Variants in ACSF3 observed in about 807,000 individuals in gnomAD.
ACSF3 encodes malonate--CoA ligase ACSF3, mitochondrial.
Under a neutral mutation model 53.2 loss-of-function variants are expected in ACSF3, and 78 were observed. That is an observed-to-expected ratio of 1.47 (90% CI 1.22 to 1.77). ACSF3 has a LOEUF of 1.77. Ranked by LOEUF, ACSF3 falls within the 40% of genes most tolerant of loss-of-function variation. The probability of loss-of-function intolerance (pLI) is 0.00; values close to 1 mark genes in which losing one functional copy is unlikely to be tolerated. For missense variants in ACSF3, 937 were observed against 771.1 expected (o/e 1.22, Z -2.55); for synonymous variants, 414 against 333.1 (o/e 1.24, Z -2.65).
rs529982382 is a variant in ACSF3, at chr16:89,125,583, C to T, written c.1239+4670C>T. ...GCACACGCCTGTAATCCCAGCTACT[C>T]GGGAGGCTGAGTCACAAGAATTGTT... On this transcript the variant is annotated intron_variant, in intron 7 of 10. Coordinates refer to ENST00000614302, the MANE Select transcript of ACSF3 (RefSeq NM_001243279.3). Among the ~76,000 whole-genome samples, 182 of 150,598 alleles carry T rather than the reference C, an allele frequency of 1.2e-3. 1 individual carries two copies. The highest frequency in any genetic ancestry group is 4.1e-3 in the African/African-American group (168 of 40,984).
intron 10 of ACSF3, chr16:89,151,593 C>G (rs1597273769): frequency 5.0e-6 from 1 of 200,364 alleles, no homozygotes; most frequent in East Asian, 1.5e-4. Context: ...AAAAATCAGT[C>G]TGTGTAATTC....
At chr16:89,114,290 G>A (rs377401272) in intron 5 of ACSF3, 49 bp from the exon 6 acceptor site, 38 of 1,610,536 alleles carry the variant, frequency 2.4e-5, no homozygotes, top group South Asian at 1.3e-4. Flanking sequence ...CTTTGCACGC[G>A]AGAGCCACGT....
intron 6 of ACSF3, among the ~76,000 whole-genome samples, chr16:89,118,940 C>G (rs1280522729): frequency 2.0e-5 from 3 of 152,230 alleles, no homozygotes; most frequent in Non-Finnish European, 2.9e-5. Flanking sequence ...CTCTTGAGCT[C>G]TCATGTCCAC....
intron 9 of ACSF3, 55 bp downstream of exon 9, chr16:89,145,456 T>C (rs1443733479): frequency 1.2e-6 from 2 of 1,605,892 alleles, no homozygotes; most frequent in Non-Finnish European, 8.5e-7. Flanking sequence ...CTGCCTTCCA[T>C]GTTTGAGTTT....
chr16:89,111,261 ATAT>A, intron 4 of ACSF3, among the ~76,000 whole-genome samples: 1 of 152,304 alleles, frequency 6.6e-6, no homozygotes, highest in East Asian at 1.9e-4. Context: ...TGAAAGAATG[ATAT>A]TATTTCTTCC....
chr16:89,128,876 C>A (rs1908698963), intron 7 of ACSF3, among the ~76,000 whole-genome samples: 1 of 152,102 alleles, frequency 6.6e-6, no homozygotes, highest in South Asian at 2.1e-4. Context: ...CACCTGTAAT[C>A]CCAACACTTT....
rs775166866 is a variant in ACSF3, at chr16:89,101,188, G to T, written c.507G>T (p.Pro169=). ...GGAAGCTGGGGGTCCCGCTGCTGCC[G>T]CTCACACCAGCCATCTACACTGGAG... The part of the protein sequence containing the change: ...VVRKLGVPLL[P]LTPAIYTGAV... The change falls in exon 3 of 11, where the codon CCG becomes CCT. Residue 169 remains proline (P), a synonymous_variant. Transcript: ENST00000614302. 1 of 1,608,786 alleles carries T rather than the reference G, an allele frequency of 6.2e-7. No individual in the cohort carries two copies. Among genetic ancestry groups the T allele is most frequent in the East Asian group, 2.2e-5 (1 of 44,730 alleles).
In ACSF3 at chr16:89,100,638, G is replaced by A. The variant is rs372534270; in HGVS notation, c.-20-24G>A. On this transcript the variant is annotated intron_variant, in intron 2 of 10. Transcript: ENST00000614302. ...TTGGATGGGACAGTTGGGCACTCACGTCCTGTGCCTTGCCTTTCTCCAGCT... is the reference window on the plus strand; with the variant it reads ...TTGGATGGGACAGTTGGGCACTCACATCCTGTGCCTTGCCTTTCTCCAGCT... The A allele has an allele frequency of 2.3e-3, 1,503 of 665,934 alleles. 1 individual carries two copies. Among genetic ancestry groups the A allele is most frequent in the Non-Finnish European group, 3.3e-3 (1,385 of 426,022 alleles). 41.3% of individuals were successfully genotyped at this position (665,934 alleles called of 1,614,324 possible).
intron 3 of ACSF3, 55 bp downstream of exon 3, chr16:89,101,402 G>A: frequency 1.3e-6 from 2 of 1,548,906 alleles, no homozygotes; most frequent in Non-Finnish European, 1.7e-6. Context: ...ACTCCGGGTG[G>A]GCTCCGGGCC....
rs377596983 is a variant in ACSF3, at chr16:89,145,365, G to A, written c.1465G>A (p.Val489Met). Residue 489 changes from valine (V) to methionine (M), a missense_variant, in exon 9 of 11, where the codon GTG becomes ATG. Coordinates refer to ENST00000614302, the MANE Select transcript of ACSF3 (RefSeq NM_001243279.3). ...TGGYKVSALEVEWHLLAHPSI... is the reference protein window; with the variant it reads ...TGGYKVSALEMEWHLLAHPSI... ...AGGCTACAAGGTCAGCGCCCTGGAG[G>A]TGGAGTGGCACCTGCTGGCCCACCC... 21 of 1,614,094 alleles carry A rather than the reference G, an allele frequency of 1.3e-5. No homozygotes were observed. Among genetic ancestry groups the A allele is most frequent in the Non-Finnish European group, 1.8e-5 (21 of 1,180,036 alleles).
At chr16:89,099,244 A>G (rs915805852) in intron 2 of ACSF3, among the ~76,000 whole-genome samples, 5 of 152,208 alleles carry the variant, frequency 3.3e-5, no homozygotes, top group Admixed American at 3.3e-4. Flanking sequence ...CATGTTGCAG[A>G]ATTGGACCAG....
At chr16:89,136,608 GGCTGGACACA>G (rs1910528176) in intron 8 of ACSF3, 1 of 1,286,856 alleles carries the variant, frequency 7.8e-7, no homozygotes. Context: ...AGCCAGGGAT[GGCTGGACACA>G]GCTGAGGATG....
chr16:89,125,036 A>C (rs1465426732), intron 7 of ACSF3, among the ~76,000 whole-genome samples: 1 of 152,196 alleles, frequency 6.6e-6, no homozygotes, highest in Non-Finnish European at 1.5e-5. Flanking sequence ...TTTGGTGCAC[A>C]TATTAATTTT....
intron 4 of ACSF3, among the ~76,000 whole-genome samples, chr16:89,107,824 CA>C (rs931810880): frequency 1.3e-5 from 2 of 152,168 alleles, no homozygotes; most frequent in Non-Finnish European, 2.9e-5. Context: ...ACCCCAGCCC[CA>C]AATGTGGCTG....
chr16:89,120,971 G>T, intron 7 of ACSF3, 58 bp downstream of exon 7: 3 of 1,465,258 alleles, frequency 2.0e-6, no homozygotes, highest in Non-Finnish European at 2.9e-6. Flanking sequence ...GGCCCCCCAG[G>T]GTGGTTACAC....
At chr16:89,145,146 G>C in intron 8 of ACSF3, 121 bp from the exon 9 acceptor site, 1 of 1,609,788 alleles carries the variant, frequency 6.2e-7, no homozygotes, top group Non-Finnish European at 8.5e-7. Context: ...AGTAACCAGA[G>C]CCCCCTTTCC....
intron 7 of ACSF3, among the ~76,000 whole-genome samples, chr16:89,129,861 A>G (rs1220722348): frequency 2.0e-5 from 3 of 152,340 alleles, no homozygotes; most frequent in African/African-American, 7.2e-5. Context: ...TAACACTTCC[A>G]GAAGAATGTA....
chr16:89,145,367 G>C lies in ACSF3; in HGVS notation c.1467G>C (p.Val489=), dbSNP rs115776284. ...GCTACAAGGTCAGCGCCCTGGAGGTGGAGTGGCACCTGCTGGCCCACCCCA... is the reference window on the plus strand; with the variant it reads ...GCTACAAGGTCAGCGCCCTGGAGGTCGAGTGGCACCTGCTGGCCCACCCCA... The part of the protein sequence containing the change: ...TGGYKVSALE[V]EWHLLAHPSI... Residue 489 remains valine (V), a synonymous_variant, in exon 9 of 11, where the codon GTG becomes GTC. Transcript: ENST00000614302. The C allele has an allele frequency of 3.7e-4, 601 of 1,614,202 alleles. 4 individuals are homozygous for C. The African/African-American group carries it at 7.1e-3, about 19-fold the overall frequency.
intron 7 of ACSF3, 62 bp downstream of exon 7, chr16:89,120,975 G>C: frequency 7.0e-7 from 1 of 1,429,202 alleles, no homozygotes; most frequent in Non-Finnish European, 9.8e-7. Flanking sequence ...CCCCAGGGTG[G>C]TTACACTGGT....
Sources: allele counts gnomAD v4.1 joint callset (sites outside exome capture counted in the v4.1 genomes callset), GRCh38; gene constraint gnomAD v4.1.1; transcripts MANE v1.5; gene names NCBI Gene and HGNC (gene_info 2026-07-23, HGNC 2026-07-21).